Variants in GRM5 observed in about 807,000 individuals in gnomAD.
GRM5 encodes the protein glutamate metabotropic receptor 5.
In GRM5, 19 loss-of-function variants were observed where a neutral mutation model predicts 83.1. The observed-to-expected ratio is 0.23, with a 90% CI of 0.16 to 0.34. The LOEUF (loss-of-function observed/expected upper bound fraction) is 0.34, where lower values mean the gene tolerates loss of function less well. Among genes scored for constraint, GRM5 ranks in the 10% least tolerant of loss-of-function variants. The probability of loss-of-function intolerance (pLI) is 1.00; values close to 1 mark genes in which losing one functional copy is unlikely to be tolerated. For missense variants in GRM5, 1,160 were observed against 1,588.3 expected, an observed-to-expected ratio of 0.73 and a Z score of 4.58; for synonymous variants, 675 against 633.6, an observed-to-expected ratio of 1.07 and a Z score of -0.98.
At chr11:88,931,560 G>A (rs1441178514) in intron 2 of GRM5, among the ~76,000 whole-genome samples, 1 of 152,090 alleles carries the variant, frequency 6.6e-6, no homozygotes, top group East Asian at 1.9e-4. Context: ...CAAAAGCAGG[G>A]CTGGAAAACC....
At chr11:89,051,212 C>T (rs558359486) in intron 1 of GRM5, among the ~76,000 whole-genome samples, 1 of 151,130 alleles carries the variant, frequency 6.6e-6, no homozygotes, top group East Asian at 2.0e-4. Context: ...GTGGAGATTG[C>T]GCCACTGCAC....
intron 5 of GRM5, 57 bp from the exon 6 acceptor site, chr11:88,597,409 A>G: frequency 1.1e-6 from 1 of 916,168 alleles, no homozygotes; most frequent in Non-Finnish European, 1.6e-6. Flanking sequence ...TCAGCTTTGA[A>G]AAGGCAATAT....
At chr11:88,831,088 C>T (rs1272884790) in intron 3 of GRM5, among the ~76,000 whole-genome samples, 6 of 152,018 alleles carry the variant, frequency 3.9e-5, no homozygotes, top group East Asian at 1.9e-4. Context: ...AACCATATCA[C>T]GCTGGATCCT....
intron 2 of GRM5, among the ~76,000 whole-genome samples, chr11:88,919,592 A>T (rs1945654848): frequency 6.6e-6 from 1 of 151,822 alleles, no homozygotes; most frequent in Non-Finnish European, 1.5e-5. Flanking sequence ...CAACTGCAGA[A>T]TATACATTCT....
At chr11:88,988,147 A>G (rs575578398) in intron 2 of GRM5, among the ~76,000 whole-genome samples, 1 of 151,170 alleles carries the variant, frequency 6.6e-6, no homozygotes, top group African/African-American at 2.4e-5. Flanking sequence ...AGAATAACCA[A>G]TACAGAGAAG....
At chr11:88,889,417 G>T (rs1429635538) in intron 2 of GRM5, among the ~76,000 whole-genome samples, 1 of 151,974 alleles carries the variant, frequency 6.6e-6, no homozygotes. Context: ...ATTTTGCAAT[G>T]ACAGTTTCAA....
chr11:88,517,422 C>A (rs1176690902), intron 9 of GRM5, among the ~76,000 whole-genome samples: 2 of 151,618 alleles, frequency 1.3e-5, no homozygotes, highest in Non-Finnish European at 2.9e-5. Flanking sequence ...GACACAGTGG[C>A]AAAAAAAGTT....
intron 3 of GRM5, among the ~76,000 whole-genome samples, chr11:88,744,253 A>G (rs1019163281): frequency 6.6e-6 from 1 of 152,176 alleles, no homozygotes; most frequent in African/African-American, 2.4e-5. Context: ...GAGGGAAAAA[A>G]TGACAGGAAA....
chr11:88,593,326 GT>G (rs1318506708), intron 6 of GRM5, among the ~76,000 whole-genome samples: 1 of 152,072 alleles, frequency 6.6e-6, no homozygotes. Context: ...GGAAAATGGA[GT>G]TTGGGATTTT....
At chr11:88,668,212 G>GCACACACACACA (rs71046259) in intron 3 of GRM5, among the ~76,000 whole-genome samples, 1,436 of 142,664 alleles carry the variant, frequency 0.01, 11 homozygotes, top group African/African-American at 0.02. Context: ...GCAGAAACTC[G>GCACACACACACA]CACACACACA....
intron 7 of GRM5, among the ~76,000 whole-genome samples, chr11:88,574,569 C>G (rs893586643): frequency 6.6e-6 from 1 of 152,156 alleles, no homozygotes; most frequent in Non-Finnish European, 1.5e-5. Context: ...GAGTTCAAGA[C>G]AAGCCTGGCC....
chr11:88,909,444 CT>C (rs1431296289), intron 2 of GRM5, among the ~76,000 whole-genome samples: 21 of 146,906 alleles, frequency 1.4e-4, no homozygotes, highest in Non-Finnish European at 2.8e-4. Flanking sequence ...ACTGCCATCC[CT>C]TTTTTTTCTG....
intron 3 of GRM5, among the ~76,000 whole-genome samples, chr11:88,787,782 AAAT>A (rs1403434414): frequency 6.6e-6 from 1 of 152,136 alleles, no homozygotes; most frequent in African/African-American, 2.4e-5. Flanking sequence ...TTTGGTAATA[AAAT>A]AATATCATTT....
At chr11:88,764,902 A>G (rs911729727) in intron 3 of GRM5, among the ~76,000 whole-genome samples, 1 of 151,608 alleles carries the variant, frequency 6.6e-6, no homozygotes, top group Non-Finnish European at 1.5e-5. Context: ...TATAGAGAAA[A>G]TCAATAAAAC....
At chr11:88,992,544 G>A (rs564024575) in intron 2 of GRM5, among the ~76,000 whole-genome samples, 1 of 152,146 alleles carries the variant, frequency 6.6e-6, no homozygotes, top group Admixed American at 6.5e-5. Flanking sequence ...TATAAATCAT[G>A]CTGCTATAAA....
intron 3 of GRM5, among the ~76,000 whole-genome samples, chr11:88,712,074 T>A (rs1313021336): frequency 6.6e-6 from 1 of 152,068 alleles, no homozygotes; most frequent in Non-Finnish European, 1.5e-5. Flanking sequence ...GGTATAGAAG[T>A]AATTACTGGA....
At chr11:88,724,919 T>A (rs1941639102) in intron 3 of GRM5, among the ~76,000 whole-genome samples, 1 of 152,254 alleles carries the variant, frequency 6.6e-6, no homozygotes, top group Admixed American at 6.5e-5. Flanking sequence ...AGACCAGAGA[T>A]TCCCTCAGGT....
intron 7 of GRM5, among the ~76,000 whole-genome samples, chr11:88,572,118 G>A (rs1565344080): frequency 6.6e-6 from 1 of 152,186 alleles, no homozygotes; most frequent in Non-Finnish European, 1.5e-5. Context: ...GTTTGAGCAT[G>A]CTGTTTGTAC....
chr11:88,686,228 C>A (rs1424583811), intron 3 of GRM5, among the ~76,000 whole-genome samples: 2 of 152,136 alleles, frequency 1.3e-5, no homozygotes, highest in African/African-American at 4.8e-5. Context: ...TCATTTTGAA[C>A]CTTTAAAATT....
Sources: gnomAD v4.1 joint callset for allele counts (sites outside exome capture counted in the v4.1 genomes callset) on GRCh38, gnomAD v4.1.1 for gene constraint, MANE v1.5 for transcripts, NCBI Gene and HGNC (gene_info 2026-07-23, HGNC 2026-07-21) for gene names.